Variants in PID1 observed in about 807,000 individuals in gnomAD.
PID1 encodes the protein PTB-containing, cubilin and LRP1-interacting protein.
PID1 carries 10 observed loss-of-function variants against 19.1 expected under a neutral mutation model. That is an observed-to-expected ratio of 0.52 (90% CI 0.32 to 0.89). The LOEUF (loss-of-function observed/expected upper bound fraction) is 0.89, where lower values mean the gene tolerates loss of function less well. Ranked by LOEUF, PID1 falls within the 40% of genes least tolerant of loss-of-function variation. The pLI is 0.03. For synonymous variants in PID1, 130 were observed against 116.0 expected, an observed-to-expected ratio of 1.12 and a Z score of -0.78; for missense variants, 248 against 285.3, an observed-to-expected ratio of 0.87 and a Z score of 0.94.
intron 2 of PID1, among the ~76,000 whole-genome samples, chr2:229,072,529 A>C (rs1312180054): frequency 6.6e-6 from 1 of 152,082 alleles, no homozygotes; most frequent in Admixed American, 6.5e-5. Flanking sequence ...TGGAGGTTGC[A>C]GTGAGCTAAG....
chr2:229,096,991 T>C (rs576024023), intron 2 of PID1, among the ~76,000 whole-genome samples: 3 of 152,252 alleles, frequency 2.0e-5, no homozygotes, highest in South Asian at 2.1e-4. Context: ...GCTGTGAAAA[T>C]AGCTTGTTAA....
intron 2 of PID1, among the ~76,000 whole-genome samples, chr2:229,034,005 T>C (rs558064899): frequency 1.3e-5 from 2 of 152,300 alleles, no homozygotes; most frequent in South Asian, 4.1e-4. Flanking sequence ...CAGAATCCAC[T>C]GGGCACTTTG....
intron 2 of PID1, among the ~76,000 whole-genome samples, chr2:229,057,186 C>T (rs1285803496): frequency 6.6e-6 from 1 of 152,030 alleles, no homozygotes; most frequent in Non-Finnish European, 1.5e-5. Context: ...GCCTGTAATC[C>T]CAGCACTTTG....
At chr2:229,159,091 A>G (rs1248525650) in intron 1 of PID1, among the ~76,000 whole-genome samples, 1 of 152,200 alleles carries the variant, frequency 6.6e-6, no homozygotes, top group Non-Finnish European at 1.5e-5. Flanking sequence ...AAAGAGTGTA[A>G]TTGGATGGTC....
intron 1 of PID1, among the ~76,000 whole-genome samples, chr2:229,256,838 G>A (rs1225874889): frequency 4.6e-5 from 7 of 152,116 alleles, no homozygotes; most frequent in African/African-American, 1.7e-4. Context: ...AACATTCACG[G>A]CAACCAGGAG....
At position 229,025,964 on chromosome 2, in the gene PID1, A is replaced by G; in HGVS notation, c.322T>C (p.Phe108Leu). The change falls in exon 3 of 3, where the codon TTC (phenylalanine) becomes CTC (leucine). Residue 108 changes from phenylalanine to leucine, a missense_variant. Physicochemically the swap from Phe to Leu is conservative, Grantham distance 22 (BLOSUM62 0). Transcript: ENST00000392055. Reference sequence around the variant, plus strand: ...TCGAGATGATGGAGCCAAACTTGGAATGGCCGGATTTCCAGGAGGGCATTG... The same window carrying G: ...TCGAGATGATGGAGCCAAACTTGGAGTGGCCGGATTTCCAGGAGGGCATTG... ...PANALLEIRP[F>L]QVWLHHLDHK... 6.2e-7 allele frequency: 1 copy of G among 1,614,192 alleles called. No homozygotes were observed. The highest frequency in any genetic ancestry group is 8.5e-7 in the Non-Finnish European group (1 of 1,180,022).
At chr2:229,201,437 C>A (rs533581863) in intron 1 of PID1, among the ~76,000 whole-genome samples, 1 of 151,978 alleles carries the variant, frequency 6.6e-6, no homozygotes, top group African/African-American at 2.4e-5. Flanking sequence ...TCATCCATGT[C>A]GTGGCATGTG....
chr2:229,125,004 G>A (rs2106161613), intron 2 of PID1, among the ~76,000 whole-genome samples: 1 of 152,152 alleles, frequency 6.6e-6, no homozygotes, highest in Middle Eastern at 3.4e-3. Flanking sequence ...TGTGTCTGTT[G>A]GTATGCAACA....
chr2:229,097,337 T>C (rs2106224636), intron 2 of PID1, among the ~76,000 whole-genome samples: 2 of 152,326 alleles, frequency 1.3e-5, no homozygotes, highest in Middle Eastern at 6.8e-3. Context: ...AAAATCAGAC[T>C]AGATATAAAT....
chr2:229,039,028 G>T (rs549881426), intron 2 of PID1, among the ~76,000 whole-genome samples: 26 of 152,154 alleles, frequency 1.7e-4, no homozygotes, highest in African/African-American at 5.8e-4. Flanking sequence ...AGATTAAAAG[G>T]GTGCCCTCTA....
chr2:229,061,696 G>A (rs544245310), intron 2 of PID1, among the ~76,000 whole-genome samples: 1 of 151,890 alleles, frequency 6.6e-6, no homozygotes, highest in East Asian at 1.9e-4. Flanking sequence ...GATCACTTTG[G>A]ATAGTATGGA....
chr2:229,090,957 C>T (rs1694864036), intron 2 of PID1, among the ~76,000 whole-genome samples: 1 of 152,144 alleles, frequency 6.6e-6, no homozygotes. Context: ...CTATTGTTTA[C>T]CACGTTTGAA....
At chr2:229,101,411 C>T (rs1353264045) in intron 2 of PID1, among the ~76,000 whole-genome samples, 1 of 152,102 alleles carries the variant, frequency 6.6e-6, no homozygotes, top group African/African-American at 2.4e-5. Flanking sequence ...CTGCCTCATC[C>T]AGAGAATGCA....
At chr2:229,172,635 A>G (rs1574689577) in intron 1 of PID1, among the ~76,000 whole-genome samples, 1 of 152,152 alleles carries the variant, frequency 6.6e-6, no homozygotes, top group East Asian at 1.9e-4. Context: ...ATCTCATTGT[A>G]ATCTCTTAAT....
chr2:229,185,302 G>A (rs1385028894), intron 1 of PID1, among the ~76,000 whole-genome samples: 1 of 151,762 alleles, frequency 6.6e-6, no homozygotes, highest in Non-Finnish European at 1.5e-5. Flanking sequence ...ACTCCATCTT[G>A]CCTCATGTTT....
intron 2 of PID1, among the ~76,000 whole-genome samples, chr2:229,058,889 G>A (rs951338935): frequency 3.9e-5 from 6 of 152,096 alleles, no homozygotes; most frequent in Admixed American, 2.6e-4. Flanking sequence ...TCAGAAGTCC[G>A]TGGAAAGTGA....
At chr2:229,248,349 A>C (rs1690056534) in intron 1 of PID1, among the ~76,000 whole-genome samples, 1 of 152,288 alleles carries the variant, frequency 6.6e-6, no homozygotes, top group South Asian at 2.1e-4. Context: ...ATATGATGCG[A>C]GTGAGCCTTC....
intron 2 of PID1, among the ~76,000 whole-genome samples, chr2:229,110,365 G>C (rs1366837023): frequency 6.6e-6 from 1 of 152,142 alleles, no homozygotes; most frequent in Non-Finnish European, 1.5e-5. Context: ...CTAAGCAGTA[G>C]TTCCAAGACA....
chr2:229,039,125 G>A (rs1693719118), intron 2 of PID1, among the ~76,000 whole-genome samples: 1 of 152,184 alleles, frequency 6.6e-6, no homozygotes, highest in African/African-American at 2.4e-5. Flanking sequence ...AAAGGACTGA[G>A]GGTGCTGTAC....
Sources: gnomAD v4.1 joint callset for allele counts (sites outside exome capture counted in the v4.1 genomes callset) on GRCh38, gnomAD v4.1.1 for gene constraint, MANE v1.5 for transcripts, NCBI Gene and HGNC (gene_info 2026-07-23, HGNC 2026-07-21) for gene names.